The following RRM2 variants were observed in gnomAD, a reference collection of about 807,000 sequenced individuals.
RRM2 encodes the protein ribonucleotide reductase regulatory subunit M2.
A neutral mutation model predicts 45.9 loss-of-function variants in RRM2; 6 were observed. The ratio of observed to expected loss-of-function variants is 0.13; its 90% CI spans 0.07 to 0.26. RRM2 has a LOEUF of 0.26. Ranked by LOEUF, RRM2 falls within the 10% of genes least tolerant of loss-of-function variation. RRM2 has a pLI of 1.00. For synonymous variants in RRM2, 177 were observed against 173.0 expected (o/e 1.02, Z -0.18); for missense variants, 343 against 489.5 (o/e 0.70, Z 2.82).
chr2:10,124,507 C>G (rs561698013), intron 4 of RRM2, among the ~76,000 whole-genome samples: 9 of 152,154 alleles, frequency 5.9e-5, no homozygotes, highest in African/African-American at 1.4e-4. Flanking sequence ...GGAAATCGAG[C>G]GCTCACAAAT....
At position 10,171,159 on chromosome 2, in the gene RRM2, G is replaced by T. The variant is rs1401949230; in HGVS notation, n.482+28784G>T. On this transcript the variant is annotated intron_variant and non_coding_transcript_variant, in intron 3 of 3. Coordinates refer to the RRM2 transcript ENST00000381786. The surrounding 1 kb of genome is among the most constrained non-coding windows in gnomAD (Gnocchi z 4.1). Reference sequence around the variant, plus strand: ...ACCCCAGGCATCGAGCCTGCGATGGGGCAACGTGTGGTGTGGAGGCCATAC... The same window carrying T: ...ACCCCAGGCATCGAGCCTGCGATGGTGCAACGTGTGGTGTGGAGGCCATAC... Among the ~76,000 whole-genome samples the T allele has an allele frequency of 6.6e-5, 10 of 152,234 alleles. No homozygotes were observed. Among genetic ancestry groups the T allele is most frequent in the Admixed American group, 5.2e-4 (8 of 15,284 alleles).
At chr2:10,194,752 A>G (rs1164430853) in intron 3 of RRM2, among the ~76,000 whole-genome samples, 1 of 152,208 alleles carries the variant, frequency 6.6e-6, no homozygotes, top group Non-Finnish European at 1.5e-5. Flanking sequence ...GGGGGCATCC[A>G]GACTTTGCCC....
rs569927754 is a variant in RRM2 at position 10,185,442 on chromosome 2, C to T, written n.483-24869C>T. 1.3e-5 allele frequency among the ~76,000 whole-genome samples: 2 copies of T among 152,278 alleles called. No individual in the cohort carries two copies. The highest frequency in any genetic ancestry group is 4.1e-4 in the South Asian group (2 of 4,830). On this transcript the variant is annotated intron_variant and non_coding_transcript_variant, in intron 3 of 3. Coordinates refer to the RRM2 transcript ENST00000381786. The surrounding 1 kb of genome is among the most constrained non-coding windows in gnomAD (Gnocchi z 4.3). ...CTTTTTTATAATGGGAAACTTTGAACATAGGCAAAAATAGAATAATAGAAA... is the reference window on the plus strand; with the variant it reads ...CTTTTTTATAATGGGAAACTTTGAATATAGGCAAAAATAGAATAATAGAAA...
At chr2:10,192,582 C>T (rs972380475) in intron 3 of RRM2, 3 of 154,640 alleles carry the variant, frequency 1.9e-5, no homozygotes, top group East Asian at 3.8e-4. Flanking sequence ...GAAAAGGGGC[C>T]GGGAGAGGCG....
At position 10,164,409 on chromosome 2, in the gene RRM2, G is replaced by T. The variant is rs184244882; in HGVS notation, n.482+22034G>T. On this transcript the variant is annotated intron_variant and non_coding_transcript_variant, in intron 3 of 3. Coordinates refer to the RRM2 transcript ENST00000381786. ...GGAAGCCTCAGAACAAGGACTGGCAGTAAGTGCTCAATACATTTTATCATC... is the reference window on the plus strand; with the variant it reads ...GGAAGCCTCAGAACAAGGACTGGCATTAAGTGCTCAATACATTTTATCATC... 2.6e-5 allele frequency among the ~76,000 whole-genome samples: 4 copies of T among 152,332 alleles called. No individual in the cohort carries two copies. The East Asian group carries it at 7.7e-4, about 29-fold the overall frequency.
At chr2:10,126,994 A>G (rs1662793441) in intron 6 of RRM2, 25 bp downstream of exon 6, 1 of 1,612,100 alleles carries the variant, frequency 6.2e-7, no homozygotes, top group Admixed American at 1.7e-5. Flanking sequence ...GCCCCTACTT[A>G]AACCTGAGCT....
chr2:10,129,431 T>C lies in RRM2; in HGVS notation c.*45T>C. The C allele has an allele frequency of 1.3e-6, 2 of 1,566,648 alleles. No individual in the cohort carries two copies. The highest frequency in any genetic ancestry group is 8.6e-7 in the Non-Finnish European group (1 of 1,160,024). ...TTACTTGGCTGATTTTTTTTTTCCATCTCATAAGAAAAATCAGCTGAAGTG... is the reference window on the plus strand; with the variant it reads ...TTACTTGGCTGATTTTTTTTTTCCACCTCATAAGAAAAATCAGCTGAAGTG... On this transcript the variant is annotated 3_prime_UTR_variant, in exon 10 of 10. Transcript: ENST00000304567. This position sits in a 1 kb window ranked among gnomAD's most constrained non-coding sequence, Gnocchi z 4.8.
downstream of RRM2, among the ~76,000 whole-genome samples, chr2:10,133,777 C>G (rs1024887400): frequency 4.0e-5 from 6 of 151,136 alleles, no homozygotes; most frequent in African/African-American, 1.5e-4. Flanking sequence ...GTCATGTTCA[C>G]CTTAGCCTTG....
rs1396218055 is a variant in RRM2 at position 10,185,716 on chromosome 2, C to A, written n.483-24595C>A. Reference sequence around the variant, plus strand: ...GTGCCCCTGTGTCTCCCCTTCCTTGCCTTTCAAACTCCTCTCTCTGTCCCT... The same window carrying A: ...GTGCCCCTGTGTCTCCCCTTCCTTGACTTTCAAACTCCTCTCTCTGTCCCT... On this transcript the variant is annotated intron_variant and non_coding_transcript_variant, in intron 3 of 3. Coordinates refer to the RRM2 transcript ENST00000381786. This position sits in a 1 kb window ranked among gnomAD's most constrained non-coding sequence, Gnocchi z 4.3. Among the ~76,000 whole-genome samples, 1 of 152,176 alleles carries A rather than the reference C, an allele frequency of 6.6e-6. No homozygotes were observed. Among genetic ancestry groups the A allele is most frequent in the African/African-American group, 2.4e-5 (1 of 41,434 alleles).
At position 10,123,402 on chromosome 2, in the gene RRM2, G is replaced by A. The variant is rs1662711288; in HGVS notation, c.190G>A (p.Ala64Thr). 6.2e-7 allele frequency: 1 copy of A among 1,604,154 alleles called. No individual in the cohort carries two copies. The highest frequency in any genetic ancestry group is 1.1e-5 in the South Asian group (1 of 90,588). ...CCCCCAACAGAAAACTAAAGCAGCT[G>A]CCCCCGGCGTGGAGGATGAGCCGCT... The part of the protein sequence containing the change: ...EPTEPKTKAA[A>T]PGVEDEPLLR... Residue 64 changes from alanine to threonine, a missense_variant, in exon 3 of 10, where the codon GCC becomes ACC. Physicochemically the swap from Ala to Thr is moderately conservative, Grantham distance 58 (BLOSUM62 0). This residue lies in a region of RRM2 where 131 missense variants were observed against 121.4 expected (regional missense o/e 1.08). Transcript: ENST00000304567.
Position 10,124,699 on chromosome 2 carries a change from G to A in RRM2, c.436-18G>A. ...TTGGTTTTTTCTCAAGCTTAACTTT[G>A]ATGTGTTTTGCCACTAGGTGGAGCG... On this transcript the variant is annotated intron_variant, in intron 4 of 9. Transcript: ENST00000304567. The A allele has an allele frequency of 6.2e-7, 1 of 1,610,962 alleles. No homozygotes were observed. Among genetic ancestry groups the A allele is most frequent in the Non-Finnish European group, 8.5e-7 (1 of 1,179,658 alleles).
intron 3 of RRM2, among the ~76,000 whole-genome samples, chr2:10,164,891 T>C (rs184684416): frequency 2.6e-5 from 4 of 152,358 alleles, no homozygotes; most frequent in Admixed American, 2.6e-4. Flanking sequence ...CTGGCTGCCA[T>C]CACCGACTGC....
intron 4 of RRM2, among the ~76,000 whole-genome samples, 198 bp from the exon 5 acceptor site, chr2:10,124,519 C>T (rs952542052): frequency 6.6e-5 from 10 of 152,180 alleles, no homozygotes; most frequent in Non-Finnish European, 1.2e-4. Flanking sequence ...CTCACAAATC[C>T]TATTTTATAT....
intron 3 of RRM2, among the ~76,000 whole-genome samples, chr2:10,193,522 A>T (rs1490494433): frequency 2.0e-5 from 3 of 152,190 alleles, no homozygotes; most frequent in Admixed American, 6.5e-5. Context: ...GTTCTTCAAG[A>T]TGCCAGCCGA....
In RRM2 at chr2:10,194,239, G is replaced by A. The variant is rs1007921716; in HGVS notation, n.483-16072G>A. On this transcript the variant is annotated intron_variant and non_coding_transcript_variant, in intron 3 of 3. Transcript: ENST00000381786. ...GCACAAGGCCGTGGCCAGCTTCCGGGCTCAGTCGTGGACAAAGGCCTCCTG... is the reference window on the plus strand; with the variant it reads ...GCACAAGGCCGTGGCCAGCTTCCGGACTCAGTCGTGGACAAAGGCCTCCTG... 3.3e-5 allele frequency among the ~76,000 whole-genome samples: 5 copies of A among 152,162 alleles called. No homozygotes were observed. The East Asian group carries it at 5.8e-4, about 18-fold the overall frequency.
At chr2:10,159,643 G>T (rs1318383382) in intron 3 of RRM2, among the ~76,000 whole-genome samples, 2 of 152,246 alleles carry the variant, frequency 1.3e-5, no homozygotes, top group Non-Finnish European at 2.9e-5. Context: ...TCACTGGGTT[G>T]AAACGGTTAA....
intron 3 of RRM2, among the ~76,000 whole-genome samples, chr2:10,208,948 G>T (rs143882208): frequency 6.6e-6 from 1 of 151,912 alleles, no homozygotes; most frequent in Admixed American, 6.6e-5. Flanking sequence ...CCTCCCACGT[G>T]CTGGATCCTG....
At chr2:10,126,990 ACTTAAAC>A in intron 6 of RRM2, 21 bp downstream of exon 6, 1 of 1,612,052 alleles carries the variant, frequency 6.2e-7, no homozygotes, top group Non-Finnish European at 8.5e-7. Context: ...CCTTGCCCCT[ACTTAAAC>A]CTGAGCTTCA....
At chr2:10,190,797 G>T (rs569778965) in intron 3 of RRM2, among the ~76,000 whole-genome samples, 2 of 148,812 alleles carry the variant, frequency 1.3e-5, no homozygotes, top group Non-Finnish European at 3.0e-5. Context: ...GGTGATGGTG[G>T]GGTTGGTGGT....
Sources: allele counts gnomAD v4.1 joint callset (sites outside exome capture counted in the v4.1 genomes callset), GRCh38; gene constraint gnomAD v4.1.1; regional missense constraint gnomAD v4.1.1; non-coding constraint Gnocchi (gnomAD v3.1); transcripts MANE v1.5; gene names NCBI Gene and HGNC (gene_info 2026-07-23, HGNC 2026-07-21).